Variants in AHI1 observed in about 807,000 individuals in gnomAD.
AHI1 encodes Abelson helper integration site 1.
Under a neutral mutation model 149.3 loss-of-function variants are expected in AHI1, and 123 were observed. That is an observed-to-expected ratio of 0.82 (90% confidence interval 0.71 to 0.96). The LOEUF is 0.96. AHI1 is among the 40% of genes least tolerant of loss of function. The pLI is 0.00. For missense variants in AHI1, 1,439 were observed against 1,422.7 expected (o/e 1.01, Z -0.18); for synonymous variants, 475 against 459.8 (o/e 1.03, Z -0.42).
At chr6:135,374,273 T>C (rs1420749411) in intron 23 of AHI1, among the ~76,000 whole-genome samples, 1 of 151,242 alleles carries the variant, frequency 6.6e-6, no homozygotes, top group Non-Finnish European at 1.5e-5. Flanking sequence ...CCATCACGCC[T>C]GGCTAATTTT....
Position 135,433,776 on chromosome 6 carries a change from AATT to A in AHI1, c.2037-523_2037-521del, listed in dbSNP as rs201937188. Reference sequence around the variant, plus strand: ...ATCTCAAAGATTTAAGAGATACTAAAATTATTATATTTTGAATTCTCAAGTAAA... The same window carrying A: ...ATCTCAAAGATTTAAGAGATACTAAAATTATATTTTGAATTCTCAAGTAAA... On this transcript the variant is annotated intron_variant, in intron 15 of 28. Transcript: ENST00000265602. 3.8e-4 allele frequency among the ~76,000 whole-genome samples: 58 copies of A among 152,144 alleles called. No individual in the cohort carries two copies. The East Asian group carries it at 9.8e-3, about 26-fold the overall frequency.
chr6:135,344,955 C>CACAG (rs913357002), intron 24 of AHI1, among the ~76,000 whole-genome samples: 1 of 151,144 alleles, frequency 6.6e-6, no homozygotes, highest in Non-Finnish European at 1.5e-5. Context: ...CACACACACA[C>CACAG]AGTATATTAA....
intron 16 of AHI1, 44 bp from the exon 17 acceptor site, chr6:135,431,358 A>C: frequency 8.2e-7 from 1 of 1,216,720 alleles, no homozygotes; most frequent in Non-Finnish European, 1.2e-6. Context: ...TGTCACACAG[A>C]GTTAGAAACA....
At position 135,466,183 on chromosome 6, in the gene AHI1, T is replaced by C. The variant is rs753808518; in HGVS notation, c.380A>G (p.Lys127Arg). The C allele has an allele frequency of 2.5e-6, 4 of 1,613,970 alleles. No homozygotes were observed. Residue 127 changes from lysine to arginine, a missense_variant, in exon 7 of 29, where the codon AAA (lysine) becomes AGA (arginine). By Grantham distance (26) the Lys-to-Arg change is conservative. Transcript: ENST00000265602. ...CTGGGGCACCGTCTTTATCACCTTT[T>C]TATTTGGCTTTCCTTGTTTGTCTTC... Reference protein sequence around the residue: ...VEEDKQGKPNKKVIKTVPQLT... With the variant: ...VEEDKQGKPNRKVIKTVPQLT...
chr6:135,365,600 T>C (rs1368962934), intron 23 of AHI1, among the ~76,000 whole-genome samples: 2 of 152,236 alleles, frequency 1.3e-5, no homozygotes, highest in African/African-American at 4.8e-5. Context: ...AGTTCTTGGT[T>C]TGATTCTCAG....
intron 5 of AHI1, among the ~76,000 whole-genome samples, chr6:135,481,731 A>G (rs1315178258): frequency 1.4e-5 from 2 of 145,960 alleles, no homozygotes; most frequent in African/African-American, 5.0e-5. Context: ...ACTTTTTTAT[A>G]CTACAGGTTT....
chr6:135,309,333 T>C (rs1784878446), intron 26 of AHI1, among the ~76,000 whole-genome samples: 1 of 152,190 alleles, frequency 6.6e-6, no homozygotes, highest in South Asian at 2.1e-4. Flanking sequence ...GAATAACACA[T>C]ATTATTCAAA....
At position 135,457,694 on chromosome 6, in the gene AHI1, A is replaced by G; in HGVS notation, c.951T>C (p.Asp317=). 1 of 1,613,894 alleles carries G rather than the reference A, an allele frequency of 6.2e-7. No individual in the cohort carries two copies. Among genetic ancestry groups the G allele is most frequent in the Admixed American group, 1.7e-5 (1 of 60,020 alleles). The part of the protein sequence containing the change: ...KTKAVADNNE[D]VDGDGVHEIT... ...TTTCATGAACACCATCACCATCAACATCTTCATTATTATCTGCAACTACAC... is the reference window on the plus strand; with the variant it reads ...TTTCATGAACACCATCACCATCAACGTCTTCATTATTATCTGCAACTACAC... Residue 317 remains aspartate, a synonymous_variant, in exon 9 of 29, where the codon GAT becomes GAC. Coordinates refer to ENST00000265602, the MANE Select transcript of AHI1 (RefSeq NM_001134831.2).
In AHI1 at chr6:135,284,711, G is replaced by A. The variant is rs1168567739; in HGVS notation, c.*934C>T. 1 of 151,826 alleles carries A rather than the reference G, an allele frequency of 6.6e-6. No homozygotes were observed. Among genetic ancestry groups the A allele is most frequent in the Non-Finnish European group, 1.5e-5 (1 of 67,946 alleles). The allele number at this position is 151,826 out of a possible 1,614,324, so 9.4% of individuals were successfully genotyped here. A position where few individuals can be genotyped will look rare whatever the true frequency, so the allele number is the denominator to read the frequency against. ...CCTTTTTTAAAAAGTAAAGACATTG[G>A]GAACATTGTTGCCAGTCCAGCCAAA... is the stretch of plus-strand genomic sequence containing the variant. On this transcript the variant is annotated 3_prime_UTR_variant, in exon 29 of 29. Coordinates refer to ENST00000265602, the MANE Select transcript of AHI1 (RefSeq NM_001134831.2).
intron 26 of AHI1, among the ~76,000 whole-genome samples, chr6:135,314,444 C>A (rs1785645744): frequency 6.6e-6 from 1 of 152,218 alleles, no homozygotes; most frequent in Non-Finnish European, 1.5e-5. Context: ...ACCCAGTCTA[C>A]ATTTGTTACA....
At chr6:135,380,731 AC>A (rs752362853) in intron 23 of AHI1, among the ~76,000 whole-genome samples, 5,604 of 56,034 alleles carry the variant, frequency 0.1, 234 homozygotes, top group South Asian at 0.13. Flanking sequence ...AAGTAAAATA[AC>A]CCCCCCCCCC....
chr6:135,478,933 C>A (rs1404831600), intron 5 of AHI1, among the ~76,000 whole-genome samples: 2 of 152,244 alleles, frequency 1.3e-5, no homozygotes, highest in Non-Finnish European at 2.9e-5. Flanking sequence ...GGCCAAGATA[C>A]AGCTCAGGCT....
In AHI1 at chr6:135,438,369, A is replaced by C. The variant is rs2128037867; in HGVS notation, c.2036+6T>G. On this transcript the variant is annotated splice_donor_region_variant and intron_variant, in intron 15 of 28. Transcript: ENST00000265602. ...ATGCACATAAGTACTTCTCAAGGAT[A>C]CTAACCTGGCAGTGCCATCAGATGA... 7.6e-6 allele frequency: 12 copies of C among 1,581,446 alleles called. No individual in the cohort carries two copies. The highest frequency in any genetic ancestry group is 1.0e-5 in the Non-Finnish European group (12 of 1,161,766).
At chr6:135,422,789 C>A (rs1480269681) in intron 20 of AHI1, among the ~76,000 whole-genome samples, 1 of 151,748 alleles carries the variant, frequency 6.6e-6, no homozygotes, top group Non-Finnish European at 1.5e-5. Context: ...CACACCCAGC[C>A]ACCCCCCACA....
chr6:135,428,861 C>T (rs1784268432), intron 18 of AHI1, 102 bp from the exon 19 acceptor site: 27 of 1,113,346 alleles, frequency 2.4e-5, no homozygotes, highest in Non-Finnish European at 3.3e-5. Flanking sequence ...ATTCAACAAA[C>T]ATTTTTTGAG....
intron 16 of AHI1, 60 bp from the exon 17 acceptor site, chr6:135,431,374 T>G: frequency 9.6e-7 from 1 of 1,046,834 alleles, no homozygotes; most frequent in Non-Finnish European, 1.4e-6. Context: ...AAACAAATAA[T>G]AGGAAATCGG....
chr6:135,439,006 A>G lies in AHI1; in HGVS notation c.1913-508T>C, dbSNP rs532641288. Among the ~76,000 whole-genome samples the G allele has an allele frequency of 5.9e-5, 9 of 152,340 alleles. No individual in the cohort carries two copies. The East Asian group carries it at 1.7e-3, about 29-fold the overall frequency. The stretch of plus-strand genomic sequence containing the variant: ...GGAATTAACAATGACTCAATCAGAC[A>G]CACAAAGCACTGTGGTATTTTACTA... On this transcript the variant is annotated intron_variant, in intron 14 of 28. Transcript: ENST00000265602.
chr6:135,484,786 T>TATTC (rs1476333557), intron 5 of AHI1, among the ~76,000 whole-genome samples: 2 of 152,114 alleles, frequency 1.3e-5, no homozygotes, highest in East Asian at 3.8e-4. Context: ...ACATTAGATT[T>TATTC]ATTCATTCAT....
At chr6:135,382,773 A>G (rs1258761538) in intron 23 of AHI1, among the ~76,000 whole-genome samples, 1 of 151,406 alleles carries the variant, frequency 6.6e-6, no homozygotes, top group Admixed American at 6.6e-5. Flanking sequence ...AGGATTTACA[A>G]AGGAAATAAA....
Sources: allele counts gnomAD v4.1 joint callset (sites outside exome capture counted in the v4.1 genomes callset), GRCh38; gene constraint gnomAD v4.1.1; transcripts MANE v1.5; gene names NCBI Gene and HGNC (gene_info 2026-07-23, HGNC 2026-07-21).